HDAC4: variants seen among roughly 807,000 people sequenced by gnomAD.
The protein encoded by HDAC4 is histone deacetylase 4.
In HDAC4, 16 loss-of-function variants were observed where a neutral mutation model predicts 135.1. That is an observed-to-expected ratio of 0.12 (90% CI 0.08 to 0.18). HDAC4 has a LOEUF of 0.18. Among genes scored for constraint, HDAC4 ranks in the 10% least tolerant of loss-of-function variants. The pLI is 1.00. For missense variants in HDAC4, 1,143 were observed against 1,511.8 expected (o/e 0.76, Z 4.05); for synonymous variants, 685 against 653.4 (o/e 1.05, Z -0.74).
chr2:239,326,735 T>C (rs567773188), intron 2 of HDAC4, among the ~76,000 whole-genome samples: 1 of 152,312 alleles, frequency 6.6e-6, no homozygotes, highest in South Asian at 2.1e-4. Context: ...CAGATGGCAG[T>C]ATGTTTTAAA....
chr2:239,202,326 G>A (rs370066384), intron 3 of HDAC4, among the ~76,000 whole-genome samples: 3 of 152,228 alleles, frequency 2.0e-5, no homozygotes, highest in African/African-American at 7.2e-5. Context: ...CACTCAGATA[G>A]AAAGACCTGG....
intron 22 of HDAC4, among the ~76,000 whole-genome samples, chr2:239,070,075 C>T (rs1225682086): frequency 2.6e-5 from 4 of 151,864 alleles, no homozygotes; most frequent in Non-Finnish European, 4.4e-5. Context: ...TCAGGCTGCT[C>T]TTGCTGCGAC....
In HDAC4 at chr2:239,072,241, G is replaced by A. The variant is rs888736281; in HGVS notation, c.2751-3634C>T. Among the ~76,000 whole-genome samples, 6 of 152,266 alleles carry A rather than the reference G, an allele frequency of 3.9e-5. 1 individual carries two copies. The highest frequency in any genetic ancestry group is 3.4e-3 in the Middle Eastern group (1 of 294). Reference sequence around the variant, plus strand: ...ACTAGATCCTGTCCAGATATAACACGTTAGTGCGAATTTATTTTGGTGCAG... The same window carrying A: ...ACTAGATCCTGTCCAGATATAACACATTAGTGCGAATTTATTTTGGTGCAG... On this transcript the variant is annotated intron_variant, in intron 22 of 26. Transcript: ENST00000543185.
chr2:239,134,097 CATCACGTGA>C, intron 11 of HDAC4, 139 bp downstream of exon 11: 1 of 696,600 alleles, frequency 1.4e-6, no homozygotes, highest in African/African-American at 1.7e-5. Flanking sequence ...ACGGTGGCTA[CATCACGTGA>C]TGGGGATGTG....
chr2:239,217,684 C>T (rs181391728), intron 3 of HDAC4, among the ~76,000 whole-genome samples: 8 of 152,064 alleles, frequency 5.3e-5, no homozygotes, highest in African/African-American at 1.2e-4. Context: ...AAAGAGAGCA[C>T]GGCCTTCCAA....
chr2:239,338,230 C>G (rs186570398), intron 2 of HDAC4, among the ~76,000 whole-genome samples: 1 of 152,352 alleles, frequency 6.6e-6, no homozygotes, highest in African/African-American at 2.4e-5. Flanking sequence ...CGTGGCACCT[C>G]TCTCGCGACT....
intron 3 of HDAC4, among the ~76,000 whole-genome samples, chr2:239,222,623 AACAG>A (rs1479489832): frequency 2.0e-5 from 3 of 152,054 alleles, no homozygotes; most frequent in Non-Finnish European, 4.4e-5. Flanking sequence ...CCCCAGAAAT[AACAG>A]ACAGAACCAT....
chr2:239,341,829 A>C (rs1263908782), intron 2 of HDAC4, among the ~76,000 whole-genome samples: 2 of 152,238 alleles, frequency 1.3e-5, no homozygotes, highest in African/African-American at 4.8e-5. Flanking sequence ...CGTCCCCCCC[A>C]AAATTCACGT....
At chr2:239,302,407 G>A (rs191301528) in intron 2 of HDAC4, among the ~76,000 whole-genome samples, 1 of 152,208 alleles carries the variant, frequency 6.6e-6, no homozygotes, top group Admixed American at 6.5e-5. Flanking sequence ...TATAAAACAC[G>A]AGCAGAGAGA....
intron 1 of HDAC4, among the ~76,000 whole-genome samples, chr2:239,369,932 C>T (rs1368309686): frequency 6.6e-6 from 1 of 152,234 alleles, no homozygotes; most frequent in Non-Finnish European, 1.5e-5. Context: ...CTTCCCATTC[C>T]TCCCTGGTGG....
rs550154248 is a variant in HDAC4 at position 239,318,311 on chromosome 2, A to G, written c.22+34367T>C. On this transcript the variant is annotated intron_variant, in intron 2 of 26. Coordinates refer to ENST00000543185, the MANE Select transcript of HDAC4 (RefSeq NM_001378414.1). The stretch of plus-strand genomic sequence containing the variant: ...AGCCCAGCGGCATCACTGGAATCCA[A>G]TCACGAGGAAACATGCCGAAATCCC... Among the ~76,000 whole-genome samples the G allele has an allele frequency of 1.8e-4, 27 of 152,382 alleles. No homozygotes were observed. In the South Asian group the frequency reaches 5.2e-3, roughly 29 times the overall value.
chr2:239,321,985 C>T (rs756551793), intron 2 of HDAC4, among the ~76,000 whole-genome samples: 61 of 152,190 alleles, frequency 4.0e-4, no homozygotes, highest in African/African-American at 1.2e-3. Context: ...TTTGTTTAAG[C>T]GGAAGTACAC....
Position 239,115,119 on chromosome 2 carries a change from T to C in HDAC4, c.1725A>G (p.Ala575=). 6.2e-7 allele frequency: 1 copy of C among 1,611,890 alleles called. No individual in the cohort carries two copies. The highest frequency in any genetic ancestry group is 8.5e-7 in the Non-Finnish European group (1 of 1,179,940). Residue 575 remains alanine, a synonymous_variant, in exon 13 of 27, where the codon GCA becomes GCG. Coordinates refer to ENST00000543185, the MANE Select transcript of HDAC4 (RefSeq NM_001378414.1). This position sits in a 1 kb window ranked among gnomAD's most constrained non-coding sequence, Gnocchi z 6.3. ...CCGGCTCCACCTCCCGTGGGGGCTCTGCCTCTTCCTCATCGCTCTCAATGG... is the reference window on the plus strand; with the variant it reads ...CCGGCTCCACCTCCCGTGGGGGCTCCGCCTCTTCCTCATCGCTCTCAATGG... ...QEPIESDEEE[A]EPPREVEPGQ...
intron 18 of HDAC4, among the ~76,000 whole-genome samples, chr2:239,088,938 G>A (rs1045422140): frequency 6.6e-5 from 10 of 152,118 alleles, no homozygotes; most frequent in Non-Finnish European, 1.0e-4. Flanking sequence ...ATGTAACTCC[G>A]TGAAGCTAAG....
At chr2:239,133,224 C>T (rs2040718475) in intron 11 of HDAC4, among the ~76,000 whole-genome samples, 1 of 152,194 alleles carries the variant, frequency 6.6e-6, no homozygotes, top group South Asian at 2.1e-4. Flanking sequence ...ATCCACCAGA[C>T]TAGTCAAGCC....
intron 12 of HDAC4, among the ~76,000 whole-genome samples, chr2:239,121,413 T>G (rs550429068): frequency 9.8e-5 from 15 of 152,332 alleles, no homozygotes; most frequent in Admixed American, 5.2e-4. Flanking sequence ...CCAAGGCCAC[T>G]GCAACCTGCC....
At chr2:239,164,782 G>A (rs2152974156) in intron 5 of HDAC4, among the ~76,000 whole-genome samples, 1 of 152,330 alleles carries the variant, frequency 6.6e-6, no homozygotes, top group Middle Eastern at 3.4e-3. Context: ...TTGGTTGTTA[G>A]AAACCACGCT....
intron 12 of HDAC4, among the ~76,000 whole-genome samples, chr2:239,124,074 C>T (rs942296477): frequency 1.3e-5 from 2 of 152,134 alleles, no homozygotes; most frequent in African/African-American, 2.4e-5. Flanking sequence ...CCGTCTGTCG[C>T]CAAATCTGCC....
intron 1 of HDAC4, among the ~76,000 whole-genome samples, chr2:239,374,362 A>G (rs1575770707): frequency 1.6e-5 from 2 of 123,776 alleles, no homozygotes; most frequent in African/African-American, 6.1e-5. Flanking sequence ...GGAGGAAACC[A>G]CCCCAGATGA....
Sources: allele counts gnomAD v4.1 joint callset (sites outside exome capture counted in the v4.1 genomes callset), GRCh38; gene constraint gnomAD v4.1.1; non-coding constraint Gnocchi (gnomAD v3.1); transcripts MANE v1.5; gene names NCBI Gene and HGNC (gene_info 2026-07-23, HGNC 2026-07-21).